Variants in SUPT3H observed in about 807,000 individuals in gnomAD.
SUPT3H encodes SPT3 homolog, SAGA and STAGA complex component.
In SUPT3H, 44 loss-of-function variants were observed where a neutral mutation model predicts 44.3. The observed-to-expected ratio is 0.99, with a 90% CI of 0.78 to 1.28. The LOEUF (loss-of-function observed/expected upper bound fraction) is 1.28, where lower values mean the gene tolerates loss of function less well. Ranked by LOEUF, SUPT3H falls within the 50% of genes most tolerant of loss-of-function variation. The pLI is 0.00. For missense variants in SUPT3H, 380 were observed against 387.1 expected (o/e 0.98, Z 0.15); for synonymous variants, 124 against 125.6 (o/e 0.99, Z 0.09).
At chr6:45,187,244 G>A (rs1246990017) in intron 2 of SUPT3H, among the ~76,000 whole-genome samples, 15 of 151,452 alleles carry the variant, frequency 9.9e-5, no homozygotes, top group Admixed American at 7.2e-4. Context: ...GCGAAACACC[G>A]TCTCTACTAA....
At chr6:45,267,738 C>T (rs943739438) in intron 2 of SUPT3H, among the ~76,000 whole-genome samples, 1 of 152,186 alleles carries the variant, frequency 6.6e-6, no homozygotes, top group East Asian at 1.9e-4. Flanking sequence ...ACAAAATGTG[C>T]CAGTTAAGAG....
chr6:45,051,797 C>T (rs1583264920), intron 3 of SUPT3H, among the ~76,000 whole-genome samples: 1 of 152,064 alleles, frequency 6.6e-6, no homozygotes, highest in Non-Finnish European at 1.5e-5. Flanking sequence ...GAGCATAAAC[C>T]TTTAAATTAG....
At chr6:45,182,297 A>C (rs1450572438) in intron 2 of SUPT3H, among the ~76,000 whole-genome samples, 2 of 152,130 alleles carry the variant, frequency 1.3e-5, no homozygotes, top group Non-Finnish European at 2.9e-5. Context: ...GTCTCACTGT[A>C]ACCCCCAGGC....
intron 7 of SUPT3H, among the ~76,000 whole-genome samples, chr6:44,957,853 CA>C (rs1775439364): frequency 6.6e-6 from 1 of 152,024 alleles, no homozygotes; most frequent in Non-Finnish European, 1.5e-5. Context: ...CATAGAAGTC[CA>C]AAAACCACTT....
At chr6:45,083,273 C>A (rs1265615924) in intron 3 of SUPT3H, among the ~76,000 whole-genome samples, 1 of 151,790 alleles carries the variant, frequency 6.6e-6, no homozygotes, top group Admixed American at 6.6e-5. Flanking sequence ...CTCAATGCAA[C>A]CTCCGCCTCC....
intron 10 of SUPT3H, among the ~76,000 whole-genome samples, chr6:44,926,588 GTAAA>G (rs1273031084): frequency 1.3e-5 from 2 of 152,032 alleles, no homozygotes; most frequent in African/African-American, 4.8e-5. Context: ...CAAATTATTA[GTAAA>G]TATATAAAAA....
intron 9 of SUPT3H, among the ~76,000 whole-genome samples, chr6:44,947,438 A>G (rs1200887163): frequency 1.3e-5 from 2 of 152,214 alleles, no homozygotes; most frequent in African/African-American, 4.8e-5. Flanking sequence ...CATAAATATA[A>G]AAAAGAGAGA....
intron 2 of SUPT3H, among the ~76,000 whole-genome samples, chr6:45,129,945 G>C (rs2153583560): frequency 6.6e-6 from 1 of 152,108 alleles, no homozygotes. Flanking sequence ...CGTAATGATT[G>C]GTAAAAGCCA....
chr6:45,316,484 A>G (rs2150014150), intron 2 of SUPT3H, among the ~76,000 whole-genome samples: 1 of 152,282 alleles, frequency 6.6e-6, no homozygotes, highest in Admixed American at 6.5e-5. Context: ...CAAAGGAAAA[A>G]GTTATATCAT....
intron 2 of SUPT3H, among the ~76,000 whole-genome samples, chr6:45,240,488 G>A (rs976213870): frequency 2.0e-5 from 3 of 152,146 alleles, no homozygotes; most frequent in African/African-American, 7.2e-5. Flanking sequence ...TAATAAATCT[G>A]CTCCTATAAT....
chr6:45,377,541 C>G (rs567189262), intron 1 of SUPT3H: 2 of 152,412 alleles, frequency 1.3e-5, no homozygotes, highest in African/African-American at 4.8e-5. Flanking sequence ...ACTCCACGCT[C>G]GGCAGCGGAA....
At chr6:44,884,951 C>G (rs1422449624) in intron 10 of SUPT3H, among the ~76,000 whole-genome samples, 1 of 152,176 alleles carries the variant, frequency 6.6e-6, no homozygotes, top group African/African-American at 2.4e-5. Flanking sequence ...AAACGGCGCA[C>G]CAGGAGATTA....
intron 9 of SUPT3H, among the ~76,000 whole-genome samples, chr6:44,942,296 A>G (rs897590067): frequency 7.2e-6 from 1 of 139,054 alleles, no homozygotes; most frequent in Non-Finnish European, 1.6e-5. Flanking sequence ...AATAGGTAAT[A>G]AAAAAAAAAA....
chr6:44,844,492 C>T (rs574048798), intron 10 of SUPT3H, among the ~76,000 whole-genome samples: 2 of 152,048 alleles, frequency 1.3e-5, no homozygotes, highest in African/African-American at 4.8e-5. Flanking sequence ...TGGAAATATC[C>T]CAAATGTCCA....
chr6:45,370,321 C>T (rs952315371), intron 1 of SUPT3H, among the ~76,000 whole-genome samples: 3 of 151,854 alleles, frequency 2.0e-5, no homozygotes, highest in Non-Finnish European at 4.4e-5. Context: ...CAAGGATGAC[C>T]GAATTCTGGA....
chr6:44,853,253 G>A (rs1773187105), intron 10 of SUPT3H, among the ~76,000 whole-genome samples: 1 of 152,172 alleles, frequency 6.6e-6, no homozygotes, highest in Non-Finnish European at 1.5e-5. Flanking sequence ...GAGTCATGAT[G>A]TGAACCTAGG....
intron 2 of SUPT3H, among the ~76,000 whole-genome samples, chr6:45,208,714 ACT>A (rs1763592025): frequency 8.4e-6 from 1 of 119,046 alleles, no homozygotes; most frequent in South Asian, 3.2e-4. Context: ...ACACAGCAAG[ACT>A]CTGTCTCAAA....
chr6:45,271,362 G>C (rs771691164), intron 2 of SUPT3H, among the ~76,000 whole-genome samples: 1 of 152,172 alleles, frequency 6.6e-6, no homozygotes, highest in Non-Finnish European at 1.5e-5. Flanking sequence ...GGGTCCCCGC[G>C]GTGTGTGCAG....
At chr6:44,910,101 T>C (rs78606643) in intron 10 of SUPT3H, among the ~76,000 whole-genome samples, 3,735 of 152,212 alleles carry the variant, frequency 0.025, 158 homozygotes, top group African/African-American at 0.083. Flanking sequence ...TTGGGCCTAT[T>C]TCCCCACTGT....
Sources: allele counts gnomAD v4.1 joint callset (sites outside exome capture counted in the v4.1 genomes callset), GRCh38; gene constraint gnomAD v4.1.1; transcripts MANE v1.5; gene names NCBI Gene and HGNC (gene_info 2026-07-23, HGNC 2026-07-21).